Variants in VEPH1 observed in about 807,000 individuals in gnomAD.
The protein encoded by VEPH1 is ventricular zone expressed PH domain containing 1.
In VEPH1, 80 loss-of-function variants were observed where a neutral mutation model predicts 85.2. The observed-to-expected ratio is 0.94, with a 90% CI of 0.78 to 1.13. The LOEUF (loss-of-function observed/expected upper bound fraction) is 1.13. Ranked by LOEUF, VEPH1 falls within the 50% of genes most tolerant of loss-of-function variation. The probability of loss-of-function intolerance (pLI) is 0.00; values close to 1 mark genes in which losing one functional copy is unlikely to be tolerated. For synonymous variants in VEPH1, 297 were observed against 348.0 expected, an observed-to-expected ratio of 0.85 and a Z score of 1.63; for missense variants, 955 against 980.5, an observed-to-expected ratio of 0.97 and a Z score of 0.35.
intron 10 of VEPH1, chr3:157,316,196 T>G (rs1326368992): frequency 1.3e-5 from 2 of 152,172 alleles, no homozygotes; most frequent in Admixed American, 6.5e-5. Flanking sequence ...TCTTGGTGAT[T>G]TTTATAGGAG....
intron 1 of VEPH1, among the ~76,000 whole-genome samples, chr3:157,498,390 A>C (rs1739845503): frequency 6.6e-6 from 1 of 152,206 alleles, no homozygotes; most frequent in South Asian, 2.1e-4. Flanking sequence ...ATAATGGCAC[A>C]ACTGACATTT....
intron 7 of VEPH1, among the ~76,000 whole-genome samples, chr3:157,378,773 G>A (rs1248456446): frequency 2.0e-5 from 3 of 152,090 alleles, no homozygotes; most frequent in African/African-American, 7.2e-5. Flanking sequence ...TCCCTCCTGC[G>A]AACTCCTTTC....
At chr3:157,450,301 C>T (rs1734868923) in intron 4 of VEPH1, among the ~76,000 whole-genome samples, 1 of 152,028 alleles carries the variant, frequency 6.6e-6, no homozygotes, top group Non-Finnish European at 1.5e-5. Context: ...AAGCGATCCT[C>T]TCACCTTGGC....
intron 5 of VEPH1, among the ~76,000 whole-genome samples, chr3:157,416,505 C>G (rs890756387): frequency 1.3e-5 from 2 of 152,144 alleles, no homozygotes; most frequent in African/African-American, 4.8e-5. Flanking sequence ...TGTCAGCCAG[C>G]TGCTCCAGGT....
chr3:157,396,994 A>T (rs1185217967), intron 6 of VEPH1, among the ~76,000 whole-genome samples: 1 of 152,068 alleles, frequency 6.6e-6, no homozygotes. Flanking sequence ...TGACATTTTC[A>T]TCATGAAATC....
At chr3:157,497,414 G>T (rs145308876) in intron 1 of VEPH1, among the ~76,000 whole-genome samples, 1 of 152,118 alleles carries the variant, frequency 6.6e-6, no homozygotes, top group African/African-American at 2.4e-5. Context: ...AAAGTAGTTC[G>T]CACCCTGGGA....
At chr3:157,274,888 C>T (rs1353307272) in intron 12 of VEPH1, among the ~76,000 whole-genome samples, 2 of 152,174 alleles carry the variant, frequency 1.3e-5, no homozygotes, top group East Asian at 3.9e-4. Flanking sequence ...CTGTAAACTT[C>T]CATTTACAAG....
intron 2 of VEPH1, among the ~76,000 whole-genome samples, chr3:157,490,645 G>A (rs188679150): frequency 1.3e-5 from 2 of 152,176 alleles, no homozygotes; most frequent in East Asian, 3.9e-4. Context: ...TAAAGCAACT[G>A]GAACTTTCAT....
intron 12 of VEPH1, among the ~76,000 whole-genome samples, chr3:157,276,894 AT>A (rs36002636): frequency 0.7 from 99,125 of 141,558 alleles, 34,703 homozygotes; most frequent in African/African-American, 0.82. Context: ...GAAGAAGATA[AT>A]TTTTTTTTTT....
intron 9 of VEPH1, among the ~76,000 whole-genome samples, chr3:157,350,679 A>G (rs188412142): frequency 8.6e-4 from 131 of 152,072 alleles, no homozygotes; most frequent in Middle Eastern, 3.4e-3. Flanking sequence ...ACAGCAAAAA[A>G]ATCTAACAAT....
chr3:157,476,297 T>A (rs1489848915), intron 2 of VEPH1, among the ~76,000 whole-genome samples: 1 of 152,196 alleles, frequency 6.6e-6, no homozygotes, highest in African/African-American at 2.4e-5. Context: ...GGGACATCAA[T>A]CATATTGAGT....
intron 2 of VEPH1, among the ~76,000 whole-genome samples, chr3:157,494,135 G>A (rs750813147): frequency 2.6e-5 from 4 of 152,156 alleles, no homozygotes; most frequent in Non-Finnish European, 4.4e-5. Flanking sequence ...TTGGTCACTG[G>A]GGGGAGTTCA....
chr3:157,378,084 G>T lies in VEPH1; in HGVS notation c.1127+3072C>A, dbSNP rs9816892. 5.1e-3 allele frequency among the ~76,000 whole-genome samples: 774 copies of T among 152,070 alleles called. 8 individuals are homozygous for T. The highest frequency in any genetic ancestry group is 0.018 in the African/African-American group (739 of 41,494). The stretch of plus-strand genomic sequence containing the variant: ...TGGCTTGGAGAAGACACACAGTTCA[G>T]CTGTGCATACAGCACAGAATGGCTC... On this transcript the variant is annotated intron_variant, in intron 7 of 13. Coordinates refer to ENST00000362010, the MANE Select transcript of VEPH1 (RefSeq NM_001167912.2).
chr3:157,367,640 A>C (rs1234697987), intron 7 of VEPH1, among the ~76,000 whole-genome samples: 1 of 152,198 alleles, frequency 6.6e-6, no homozygotes, highest in African/African-American at 2.4e-5. Context: ...AAATGTAAGT[A>C]TTAGATATTG....
At chr3:157,437,912 C>T (rs1044460095) in intron 4 of VEPH1, 11 of 1,525,802 alleles carry the variant, frequency 7.2e-6, no homozygotes, top group African/African-American at 1.4e-5. Context: ...TGGCTGCCGG[C>T]AGGTAAGGAG....
chr3:157,421,645 G>A (rs1263260213), intron 5 of VEPH1, among the ~76,000 whole-genome samples: 1 of 152,152 alleles, frequency 6.6e-6, no homozygotes, highest in East Asian at 1.9e-4. Context: ...GGGAGAAGGT[G>A]AATCAGGCAG....
intron 2 of VEPH1, among the ~76,000 whole-genome samples, chr3:157,490,010 T>G (rs1739076125): frequency 6.6e-6 from 1 of 151,940 alleles, no homozygotes; most frequent in African/African-American, 2.4e-5. Flanking sequence ...TGTATAATAT[T>G]AACATTCTTA....
intron 6 of VEPH1, among the ~76,000 whole-genome samples, chr3:157,387,884 C>G (rs1729470462): frequency 6.6e-6 from 1 of 152,182 alleles, no homozygotes; most frequent in Admixed American, 6.6e-5. Flanking sequence ...AGGAGAATCA[C>G]TGGTCTATGT....
intron 9 of VEPH1, among the ~76,000 whole-genome samples, chr3:157,332,926 T>G (rs918243083): frequency 6.6e-6 from 1 of 152,204 alleles, no homozygotes; most frequent in Non-Finnish European, 1.5e-5. Flanking sequence ...TTGCCATCAC[T>G]TTTCCAGTCA....
Sources: allele counts gnomAD v4.1 joint callset (sites outside exome capture counted in the v4.1 genomes callset), GRCh38; gene constraint gnomAD v4.1.1; transcripts MANE v1.5; gene names NCBI Gene and HGNC (gene_info 2026-07-23, HGNC 2026-07-21).